Variants in FGF14 observed in about 807,000 individuals in gnomAD.
FGF14 encodes the protein fibroblast growth factor 14, also known as fibroblast growth factor homologous factor 4.
FGF14 carries 5 observed loss-of-function variants against 25.5 expected under a neutral mutation model. That is an observed-to-expected ratio of 0.20 (90% CI 0.10 to 0.41). The LOEUF (loss-of-function observed/expected upper bound fraction) is 0.41, where lower values mean the gene tolerates loss of function less well. Among genes scored for constraint, FGF14 ranks in the 10% least tolerant of loss-of-function variants. The probability of loss-of-function intolerance (pLI) is 1.00; values close to 1 mark genes in which losing one functional copy is unlikely to be tolerated. For synonymous variants in FGF14, 138 were observed against 118.3 expected (o/e 1.17, Z -1.08); for missense variants, 222 against 320.1 (o/e 0.69, Z 2.34).
At chr13:102,209,167 C>T (rs991724047) in intron 1 of FGF14, among the ~76,000 whole-genome samples, 8 of 152,196 alleles carry the variant, frequency 5.3e-5, no homozygotes, top group Non-Finnish European at 1.2e-4. Context: ...AGCTCTAGAG[C>T]TGAGCTGACC....
Position 101,783,243 on chromosome 13 carries a change from G to A in FGF14, c.409-56433C>T, listed in dbSNP as rs138752936. ...TCCTAGCACTTTGGGAGGCTGAGGC[G>A]GGTGGATCACAAGGTCAGGAGATCA... is the stretch of plus-strand genomic sequence containing the variant. On this transcript the variant is annotated intron_variant, in intron 3 of 4. Coordinates refer to ENST00000376143, the MANE Select transcript of FGF14 (RefSeq NM_004115.4). Among the ~76,000 whole-genome samples the A allele has an allele frequency of 3.7e-3, 563 of 152,008 alleles. 3 individuals carry two copies. Among genetic ancestry groups the A allele is most frequent in the African/African-American group, 0.012 (514 of 41,470 alleles).
chr13:102,006,724 CTTCTTTTTTTTTT>C (rs2039811836), intron 1 of FGF14, among the ~76,000 whole-genome samples: 2 of 97,946 alleles, frequency 2.0e-5, no homozygotes, highest in Non-Finnish European at 3.9e-5. Context: ...CAAAATCTTA[CTTCTTTTTTTTTT>C]TTTTTTTTTT....
chr13:102,085,196 TTC>T (rs772342472), intron 1 of FGF14, among the ~76,000 whole-genome samples: 21 of 142,148 alleles, frequency 1.5e-4, no homozygotes, highest in Admixed American at 3.5e-4. Flanking sequence ...AGCTAAGTTT[TTC>T]TCTTTCTCTT....
At chr13:102,106,003 CATT>C (rs2044891066) in intron 1 of FGF14, among the ~76,000 whole-genome samples, 1 of 152,024 alleles carries the variant, frequency 6.6e-6, no homozygotes, top group African/African-American at 2.4e-5. Flanking sequence ...ATAAATATAT[CATT>C]GATTACAGGG....
chr13:101,777,033 T>G (rs766931052), intron 3 of FGF14, among the ~76,000 whole-genome samples: 1 of 152,176 alleles, frequency 6.6e-6, no homozygotes, highest in African/African-American at 2.4e-5. Context: ...CCTTTGTTAT[T>G]TGGCTTCTAG....
At chr13:101,927,640 G>T (rs1403545067) in intron 1 of FGF14, among the ~76,000 whole-genome samples, 3 of 152,182 alleles carry the variant, frequency 2.0e-5, no homozygotes, top group Non-Finnish European at 4.4e-5. Context: ...TTTGTCATAG[G>T]TTTCATTTCC....
At chr13:101,946,363 CA>C (rs59866034) in intron 1 of FGF14, among the ~76,000 whole-genome samples, 5,340 of 91,898 alleles carry the variant, frequency 0.058, 260 homozygotes, top group African/African-American at 0.17. Context: ...GCTTCTCCAT[CA>C]AAAAAAAAAA....
chr13:102,033,565 C>T (rs568571714), intron 1 of FGF14, among the ~76,000 whole-genome samples: 1 of 152,156 alleles, frequency 6.6e-6, no homozygotes, highest in South Asian at 2.1e-4. Context: ...ACTTAAAAGG[C>T]TTATACTCTT....
intron 3 of FGF14, among the ~76,000 whole-genome samples, chr13:101,737,054 G>GTT (rs1179558885): frequency 3.1e-5 from 3 of 97,626 alleles, no homozygotes; most frequent in African/African-American, 8.3e-5. Context: ...TTAGCCTTAT[G>GTT]TTTTATAAGC....
At chr13:101,838,018 G>A (rs928870261) in intron 3 of FGF14, among the ~76,000 whole-genome samples, 3 of 151,926 alleles carry the variant, frequency 2.0e-5, no homozygotes, top group Non-Finnish European at 2.9e-5. Flanking sequence ...GATGCTTCCT[G>A]CCCTAGAATA....
chr13:102,295,192 GT>G (rs2054636772), intron 1 of FGF14, among the ~76,000 whole-genome samples: 1 of 152,050 alleles, frequency 6.6e-6, no homozygotes, highest in Non-Finnish European at 1.5e-5. Flanking sequence ...TCCTCAGTTA[GT>G]TATACTTCTT....
chr13:101,831,916 AGT>A, intron 3 of FGF14, among the ~76,000 whole-genome samples: 1 of 152,190 alleles, frequency 6.6e-6, no homozygotes, highest in Non-Finnish European at 1.5e-5. Context: ...TGGGCGTGAT[AGT>A]GTGTGATTGG....
intron 1 of FGF14, among the ~76,000 whole-genome samples, chr13:102,018,096 C>T (rs1297513064): frequency 1.3e-5 from 2 of 152,092 alleles, no homozygotes; most frequent in East Asian, 3.9e-4. Flanking sequence ...CTTCTGTTTT[C>T]TTAAAAAGTT....
chr13:101,993,896 T>C (rs936512317), intron 1 of FGF14, among the ~76,000 whole-genome samples: 4 of 151,918 alleles, frequency 2.6e-5, no homozygotes, highest in Non-Finnish European at 5.9e-5. Flanking sequence ...ATTGTGCACA[T>C]GTACCCTAAA....
At chr13:102,090,889 T>C (rs555983547) in intron 1 of FGF14, among the ~76,000 whole-genome samples, 1 of 152,326 alleles carries the variant, frequency 6.6e-6, no homozygotes, top group South Asian at 2.1e-4. Context: ...GAGCCAGTAG[T>C]CTAAAGTCTA....
At chr13:102,383,824 T>A (rs1482128319) in intron 1 of FGF14, among the ~76,000 whole-genome samples, 1 of 151,874 alleles carries the variant, frequency 6.6e-6, no homozygotes, top group East Asian at 1.9e-4. Context: ...CCAAGCGCAC[T>A]CTCCTTCATG....
At position 102,290,050 on chromosome 13, in the gene FGF14, A is replaced by T. The variant is rs186537173; in HGVS notation, c.208+111421T>A. 8.5e-5 allele frequency among the ~76,000 whole-genome samples: 13 copies of T among 152,286 alleles called. No homozygotes were observed. The East Asian group carries it at 1.9e-3, about 23-fold the overall frequency. ...TATTAAGTTCAGGATATTTAGAAAG[A>T]GACTTAGTTTTCAAAGAAGAGCTCA... is the stretch of plus-strand genomic sequence containing the variant. On this transcript the variant is annotated intron_variant, in intron 1 of 4. Coordinates refer to the FGF14 transcript ENST00000376131.
chr13:102,326,700 A>G (rs1343186826), intron 1 of FGF14, among the ~76,000 whole-genome samples: 13 of 48,578 alleles, frequency 2.7e-4, no homozygotes, highest in Non-Finnish European at 4.9e-4. Context: ...GAAGGGAAGG[A>G]AGGAAGGAAG....
At chr13:101,814,888 G>A (rs2041760176) in intron 3 of FGF14, among the ~76,000 whole-genome samples, 1 of 152,180 alleles carries the variant, frequency 6.6e-6, no homozygotes, top group Admixed American at 6.5e-5. Context: ...TTCCACGATA[G>A]TTTTGAAAAG....
Sources: allele counts gnomAD v4.1 joint callset (sites outside exome capture counted in the v4.1 genomes callset), GRCh38; gene constraint gnomAD v4.1.1; transcripts MANE v1.5; gene names NCBI Gene and HGNC (gene_info 2026-07-23, HGNC 2026-07-21).